Variants in EWSR1 observed in about 807,000 individuals in gnomAD.
The protein encoded by EWSR1 is RNA-binding protein EWS.
In EWSR1, 14 loss-of-function variants were observed where a neutral mutation model predicts 92.1. The ratio of observed to expected loss-of-function variants is 0.15; its 90% CI spans 0.10 to 0.24. The LOEUF (loss-of-function observed/expected upper bound fraction) is 0.24, where lower values mean the gene tolerates loss of function less well. Ranked by LOEUF, EWSR1 falls within the 10% of genes least tolerant of loss-of-function variation. EWSR1 has a pLI of 1.00. For missense variants in EWSR1, 637 were observed against 870.9 expected (o/e 0.73, Z 3.38); for synonymous variants, 303 against 292.9 (o/e 1.03, Z -0.35).
Position 29,283,813 on chromosome 22 carries a change from C to T in EWSR1, c.581+1256C>T, listed in dbSNP as rs190179502. ...CCTCCCAAAGTGCTGGGGTGACAGG[C>T]GCGAGCCCCTGCGCCCAGCCAGTTT... is the stretch of plus-strand genomic sequence containing the variant. On this transcript the variant is annotated intron_variant, in intron 6 of 16. Coordinates refer to ENST00000397938, the MANE Select transcript of EWSR1 (RefSeq NM_005243.4). 1.7e-3 allele frequency among the ~76,000 whole-genome samples: 250 copies of T among 148,812 alleles called. 2 individuals carry two copies. In the Middle Eastern group the frequency reaches 0.021, roughly 13 times the overall value.
chr22:29,279,908 A>C (rs1456230996), intron 5 of EWSR1, among the ~76,000 whole-genome samples: 2 of 152,162 alleles, frequency 1.3e-5, no homozygotes, highest in Non-Finnish European at 2.9e-5. Context: ...TTATATATGA[A>C]TTGGGTTTTG....
At chr22:29,298,435 G>T (rs1209261072) in intron 13 of EWSR1, among the ~76,000 whole-genome samples, 2 of 151,952 alleles carry the variant, frequency 1.3e-5, no homozygotes, top group South Asian at 2.1e-4. Flanking sequence ...GAATCTGGGG[G>T]GGTGGAGGTT....
At chr22:29,287,720 C>T (rs373843542) in intron 7 of EWSR1, among the ~76,000 whole-genome samples, 1 of 152,302 alleles carries the variant, frequency 6.6e-6, no homozygotes, top group East Asian at 1.9e-4. Context: ...GCTAGCCCTG[C>T]TGTCTTTGGG....
In EWSR1 at chr22:29,268,411, T is replaced by A. The variant is rs1451146564; in HGVS notation, c.13+62T>A. The A allele has an allele frequency of 8.1e-6, 13 of 1,613,398 alleles. No individual in the cohort carries two copies. In the Middle Eastern group the frequency reaches 1.2e-3, roughly 143 times the overall value. ...CCGGAACGCCCAAACTGGGGGTCGT[T>A]CGTCTCTGGGCTTGGCTGGGAAGAC... is the stretch of plus-strand genomic sequence containing the variant. On this transcript the variant is annotated intron_variant, in intron 1 of 16. Transcript: ENST00000397938.
intron 5 of EWSR1, among the ~76,000 whole-genome samples, chr22:29,280,859 GTTGTTTTT>G (rs2059521064): frequency 2.2e-5 from 2 of 90,978 alleles, no homozygotes. Context: ...GTGTGTGTGT[GTTGTTTTT>G]TTTTTTTTTT....
intron 11 of EWSR1, among the ~76,000 whole-genome samples, chr22:29,295,031 G>T (rs2060744577): frequency 6.6e-6 from 1 of 151,948 alleles, no homozygotes; most frequent in Admixed American, 6.6e-5. Context: ...TGCTTTTAGT[G>T]TCTACTGTCA....
intron 11 of EWSR1, chr22:29,296,014 C>G (rs560518452): frequency 5.6e-5 from 27 of 484,020 alleles, no homozygotes; most frequent in African/African-American, 3.3e-4. Flanking sequence ...GGAGTGGGGC[C>G]TATCCTGTTC....
At chr22:29,268,529 C>T (rs918914611) in intron 1 of EWSR1, among the ~76,000 whole-genome samples, 180 bp downstream of exon 1, 1 of 152,072 alleles carries the variant, frequency 6.6e-6, no homozygotes, top group Non-Finnish European at 1.5e-5. Context: ...ACCGGGCGGG[C>T]CGGTTCTGGA....
chr22:29,293,884 T>C (rs2060634711), intron 11 of EWSR1, among the ~76,000 whole-genome samples: 1 of 151,960 alleles, frequency 6.6e-6, no homozygotes. Flanking sequence ...TATTTGTTAT[T>C]TTATTTTACT....
At chr22:29,280,940 C>T (rs545039556) in intron 5 of EWSR1, among the ~76,000 whole-genome samples, 5 of 133,118 alleles carry the variant, frequency 3.8e-5, no homozygotes, top group Middle Eastern at 4.4e-3. Context: ...AGTGCAGTGG[C>T]GCCATCTCAG....
chr22:29,293,420 T>C (rs1382922500), intron 11 of EWSR1, among the ~76,000 whole-genome samples: 2 of 152,238 alleles, frequency 1.3e-5, no homozygotes, highest in African/African-American at 4.8e-5. Flanking sequence ...AGTTAGTTTA[T>C]GAACCCCATA....
chr22:29,271,881 G>A (rs2058707401), intron 1 of EWSR1, among the ~76,000 whole-genome samples: 1 of 152,188 alleles, frequency 6.6e-6, no homozygotes, highest in Non-Finnish European at 1.5e-5. Context: ...AGTAGATCTT[G>A]TTGTCAGTCT....
chr22:29,284,498 A>AGAG (rs1454444560), intron 6 of EWSR1, among the ~76,000 whole-genome samples: 7 of 151,374 alleles, frequency 4.6e-5, no homozygotes, highest in South Asian at 2.1e-4. Context: ...CTTCTTCCAC[A>AGAG]GAGCAGGTTC....
intron 5 of EWSR1, among the ~76,000 whole-genome samples, chr22:29,281,958 TA>T (rs2147165892): frequency 6.6e-6 from 1 of 152,366 alleles, no homozygotes; most frequent in South Asian, 2.1e-4. Context: ...GCCATGGACT[TA>T]CGTAAATGTT....
chr22:29,269,942 G>T (rs1486119801), intron 1 of EWSR1, among the ~76,000 whole-genome samples: 1 of 152,206 alleles, frequency 6.6e-6, no homozygotes, highest in African/African-American at 2.4e-5. Flanking sequence ...TGTGGTTTCT[G>T]TTGACACAAA....
chr22:29,296,626 GA>G (rs1433835987), intron 12 of EWSR1, among the ~76,000 whole-genome samples: 3 of 152,176 alleles, frequency 2.0e-5, no homozygotes, highest in Admixed American at 2.0e-4. Context: ...AGAAGGTACA[GA>G]AAACCCTTCA....
intron 3 of EWSR1, among the ~76,000 whole-genome samples, chr22:29,273,434 A>G (rs1474538391): frequency 6.6e-6 from 1 of 152,126 alleles, no homozygotes; most frequent in Non-Finnish European, 1.5e-5. Context: ...TGTTAATCTC[A>G]TGTATAGTTA....
rs1053876291 is a variant in EWSR1, at chr22:29,292,273, T to C, written c.1045+104T>C. Reference sequence around the variant, plus strand: ...AGCAGCCTTATAGACCAGTGTGATATTCTTGCTGTCAAGGACAGTTTGGGA... The same window carrying C: ...AGCAGCCTTATAGACCAGTGTGATACTCTTGCTGTCAAGGACAGTTTGGGA... On this transcript the variant is annotated intron_variant, in intron 10 of 16. Transcript: ENST00000397938. The C allele has an allele frequency of 1.3e-5, 16 of 1,242,300 alleles. No homozygotes were observed. In the African/African-American group the frequency reaches 2.4e-4, roughly 18 times the overall value. 77.0% of individuals were successfully genotyped at this position (1,242,300 alleles called of 1,614,324 possible). A position where few individuals can be genotyped will look rare whatever the true frequency, so the allele number is the denominator to read the frequency against.
At chr22:29,296,408 T>C (rs374822660) in intron 12 of EWSR1, 40 bp downstream of exon 12, 86 of 1,609,656 alleles carry the variant, frequency 5.3e-5, no homozygotes, top group Non-Finnish European at 6.5e-5. Context: ...TCCCTGGCTA[T>C]AGAATATGGC....
Sources: allele counts gnomAD v4.1 joint callset (sites outside exome capture counted in the v4.1 genomes callset), GRCh38; gene constraint gnomAD v4.1.1; transcripts MANE v1.5; gene names NCBI Gene and HGNC (gene_info 2026-07-23, HGNC 2026-07-21).